COLEC12: variants seen among roughly 807,000 people sequenced by gnomAD.
The protein encoded by COLEC12 is collectin subfamily member 12.
COLEC12 carries 33 observed loss-of-function variants against 71.1 expected under a neutral mutation model. The ratio of observed to expected loss-of-function variants is 0.46; its 90% CI spans 0.35 to 0.62. The LOEUF (loss-of-function observed/expected upper bound fraction) is 0.62, where lower values mean the gene tolerates loss of function less well. Among genes scored for constraint, COLEC12 ranks in the 20% least tolerant of loss-of-function variants. COLEC12 has a pLI of 0.00. For missense variants in COLEC12, 765 were observed against 916.1 expected, an observed-to-expected ratio of 0.84 and a Z score of 2.13; for synonymous variants, 350 against 353.0, an observed-to-expected ratio of 0.99 and a Z score of 0.10.
intron 5 of COLEC12, among the ~76,000 whole-genome samples, chr18:339,756 T>C (rs623601): frequency 0.66 from 100,935 of 152,030 alleles, 34,151 homozygotes; most frequent in East Asian, 0.97. Context: ...ATGTGTCTTA[T>C]AGATCAGGAG....
intron 2 of COLEC12, among the ~76,000 whole-genome samples, chr18:410,785 A>T (rs1331622556): frequency 6.6e-6 from 1 of 151,608 alleles, no homozygotes; most frequent in Non-Finnish European, 1.5e-5. Flanking sequence ...CAAAGAGCAC[A>T]GACAAAAAAA....
chr18:442,760 G>T (rs1489231036), intron 2 of COLEC12, among the ~76,000 whole-genome samples: 1 of 152,246 alleles, frequency 6.6e-6, no homozygotes, highest in Non-Finnish European at 1.5e-5. Flanking sequence ...AGGAGATCGA[G>T]ACCATCCTGG....
chr18:452,769 T>G (rs1480926439), intron 2 of COLEC12, among the ~76,000 whole-genome samples: 1 of 152,226 alleles, frequency 6.6e-6, no homozygotes, highest in Non-Finnish European at 1.5e-5. Flanking sequence ...CAATTTGTGT[T>G]GTATTTCTTT....
chr18:384,800 A>C (rs1257480112), intron 2 of COLEC12, among the ~76,000 whole-genome samples: 1 of 152,214 alleles, frequency 6.6e-6, no homozygotes, highest in Non-Finnish European at 1.5e-5. Flanking sequence ...TGCAGAAGGA[A>C]TAAAAACATT....
chr18:429,064 A>C (rs1567905280), intron 2 of COLEC12, among the ~76,000 whole-genome samples: 1 of 152,238 alleles, frequency 6.6e-6, no homozygotes, highest in Non-Finnish European at 1.5e-5. Flanking sequence ...TTAATTCTTT[A>C]AAAAGCAGTA....
chr18:340,814 C>G (rs540593650), intron 5 of COLEC12, among the ~76,000 whole-genome samples: 1 of 152,200 alleles, frequency 6.6e-6, no homozygotes, highest in Non-Finnish European at 1.5e-5. Context: ...AAAGTCATTG[C>G]GCTTCACTGA....
At position 346,157 on chromosome 18, in the gene COLEC12, T is replaced by A. The variant is rs561353488; in HGVS notation, c.1327+138A>T. The A allele has an allele frequency of 1.3e-4, 85 of 662,482 alleles. 1 individual carries two copies. The African/African-American group carries it at 1.3e-3, about 10-fold the overall frequency. 41.0% of individuals were successfully genotyped at this position (662,482 alleles called of 1,614,324 possible). A position where few individuals can be genotyped will look rare whatever the true frequency, so the allele number is the denominator to read the frequency against. On this transcript the variant is annotated intron_variant, in intron 5 of 9. Transcript: ENST00000400256. The surrounding 1 kb of genome is among the most constrained non-coding windows in gnomAD (Gnocchi z 4.0). The stretch of plus-strand genomic sequence containing the variant: ...AAACAGTGAGTCAGGACCATCTAGC[T>A]AAGCTGCTCTTGAATTCCTGGTCCA...
At chr18:393,779 C>A (rs2143596074) in intron 2 of COLEC12, among the ~76,000 whole-genome samples, 1 of 152,312 alleles carries the variant, frequency 6.6e-6, no homozygotes, top group South Asian at 2.1e-4. Flanking sequence ...TTTGCTAGAT[C>A]ATAAATTCCT....
rs78795885 is a variant in COLEC12 at position 351,139 on chromosome 18, G to T, written c.182-2976C>A. ...CCCATGTGTTTGTGTGACCCAAAGT[G>T]AACTGGCTCCTTGGATCCTGGAATT... On this transcript the variant is annotated intron_variant, in intron 3 of 9. Coordinates refer to ENST00000400256, the MANE Select transcript of COLEC12 (RefSeq NM_130386.3). 2.0e-4 allele frequency among the ~76,000 whole-genome samples: 31 copies of T among 152,248 alleles called. No individual in the cohort carries two copies. In the East Asian group the frequency reaches 5.4e-3, roughly 27 times the overall value.
intron 2 of COLEC12, among the ~76,000 whole-genome samples, chr18:388,832 G>A (rs1255619590): frequency 2.6e-5 from 4 of 152,146 alleles, no homozygotes; most frequent in Non-Finnish European, 5.9e-5. Flanking sequence ...ATGAAGAGGT[G>A]GATCTTAGGG....
At chr18:486,593 A>T (rs1917522633) in intron 1 of COLEC12, among the ~76,000 whole-genome samples, 1 of 152,228 alleles carries the variant, frequency 6.6e-6, no homozygotes, top group South Asian at 2.1e-4. Context: ...CAAGAGGAAG[A>T]CACAGGTCTG....
intron 5 of COLEC12, among the ~76,000 whole-genome samples, chr18:345,106 G>T (rs1252205024): frequency 6.6e-6 from 1 of 152,196 alleles, no homozygotes. Flanking sequence ...TTTGCTTACA[G>T]CCCATCTTCT....
At chr18:457,411 G>A (rs1305325120) in intron 2 of COLEC12, among the ~76,000 whole-genome samples, 1 of 152,198 alleles carries the variant, frequency 6.6e-6, no homozygotes, top group Non-Finnish European at 1.5e-5. Flanking sequence ...CTGATTTCTA[G>A]GCTGCAGATG....
At chr18:378,645 G>T (rs1266096658) in intron 2 of COLEC12, among the ~76,000 whole-genome samples, 1 of 152,154 alleles carries the variant, frequency 6.6e-6, no homozygotes. Flanking sequence ...TAGATATCTA[G>T]CTCCTTACCC....
chr18:417,107 A>G (rs1299807284), intron 2 of COLEC12, among the ~76,000 whole-genome samples: 1 of 131,488 alleles, frequency 7.6e-6, no homozygotes, highest in African/African-American at 2.6e-5. Context: ...TGAGAAATGC[A>G]TGGTTAAGTG....
chr18:435,073 C>T (rs1916377923), intron 2 of COLEC12, among the ~76,000 whole-genome samples: 1 of 152,194 alleles, frequency 6.6e-6, no homozygotes, highest in Non-Finnish European at 1.5e-5. Context: ...TATTTTAATT[C>T]TTTTCATTTA....
intron 3 of COLEC12, among the ~76,000 whole-genome samples, chr18:350,896 G>C (rs112935337): frequency 1.7e-4 from 26 of 149,518 alleles, no homozygotes; most frequent in African/African-American, 5.4e-4. Context: ...GGAAGTGGAG[G>C]TTGCAGTGAG....
chr18:361,540 G>A lies in COLEC12; in HGVS notation c.59-4018C>T, dbSNP rs60699434. Among the ~76,000 whole-genome samples the A allele has an allele frequency of 6.6e-3, 1,011 of 152,130 alleles. 17 individuals carry two copies. The highest frequency in any genetic ancestry group is 0.022 in the African/African-American group (917 of 41,476). On this transcript the variant is annotated intron_variant, in intron 2 of 9. Coordinates refer to ENST00000400256, the MANE Select transcript of COLEC12 (RefSeq NM_130386.3). ...GAAGGCACTCTTAACTAAAGGATGCGCGCATGAACACACACACCCACACTC... is the reference window on the plus strand; with the variant it reads ...GAAGGCACTCTTAACTAAAGGATGCACGCATGAACACACACACCCACACTC...
In COLEC12 at chr18:327,889, G is replaced by A. The variant is rs867402253; in HGVS notation, c.2063+3779C>T. Among the ~76,000 whole-genome samples the A allele has an allele frequency of 1.4e-4, 21 of 152,218 alleles. 1 individual carries two copies. The highest frequency in any genetic ancestry group is 5.1e-4 in the African/African-American group (21 of 41,456). On this transcript the variant is annotated intron_variant, in intron 8 of 9. Transcript: ENST00000400256. This position sits in a 1 kb window ranked among gnomAD's most constrained non-coding sequence, Gnocchi z 4.0. ...GTGCTAACTCTTCTTTGAATGTTTG[G>A]TAGAATTTGGCTGTGAAGCCATCTG... is the stretch of plus-strand genomic sequence containing the variant.
Sources: allele counts gnomAD v4.1 joint callset (sites outside exome capture counted in the v4.1 genomes callset), GRCh38; gene constraint gnomAD v4.1.1; non-coding constraint Gnocchi (gnomAD v3.1); transcripts MANE v1.5; gene names NCBI Gene and HGNC (gene_info 2026-07-23, HGNC 2026-07-21).